Variants in KCNQ3 observed in about 807,000 individuals in gnomAD.
The protein encoded by KCNQ3 is potassium voltage-gated channel subfamily Q member 3, also known as potassium voltage-gated channel subfamily KQT member 3.
Under a neutral mutation model 92.5 loss-of-function variants are expected in KCNQ3, and 30 were observed. The ratio of observed to expected loss-of-function variants is 0.32; its 90% CI spans 0.24 to 0.44. The LOEUF is 0.44. Among genes scored for constraint, KCNQ3 ranks in the 20% least tolerant of loss-of-function variants. The probability of loss-of-function intolerance (pLI) is 1.00; values close to 1 mark genes in which losing one functional copy is unlikely to be tolerated. For missense variants in KCNQ3, 913 were observed against 1,140.3 expected, an observed-to-expected ratio of 0.80 and a Z score of 2.87; for synonymous variants, 450 against 468.8, an observed-to-expected ratio of 0.96 and a Z score of 0.52.
At position 132,121,738 on chromosome 8, in the gene KCNQ3, A is replaced by C. The variant is rs965832008; in HGVS notation, c.*7524T>G. The C allele has an allele frequency of 2.6e-5, 4 of 152,212 alleles. No individual in the cohort carries two copies. The highest frequency in any genetic ancestry group is 9.6e-5 in the African/African-American group (4 of 41,460). The allele number at this position is 152,212 out of a possible 1,614,324, so 9.4% of individuals were successfully genotyped here. A position where few individuals can be genotyped will look rare whatever the true frequency, so the allele number is the denominator to read the frequency against. The stretch of plus-strand genomic sequence containing the variant: ...TAAAGGTACAGTCTAGAGACAAAAG[A>C]CCAGAGTCAGCAGAGACGTGGAGAT... On this transcript the variant is annotated 3_prime_UTR_variant, in exon 15 of 15. Transcript: ENST00000388996.
chr8:132,140,171 C>T lies in KCNQ3; in HGVS notation c.1473G>A (p.Gly491=). ...TGTCTTCCGCCATGGGGTCACCTGTCCCGGCATCTGGGAGGGAGACACACA... is the reference window on the plus strand; with the variant it reads ...TGTCTTCCGCCATGGGGTCACCTGTTCCGGCATCTGGGAGGGAGACACACA... ...YAFWQSSEDA[G]TGDPMAEDRG... is the part of the protein sequence containing the mutation. Residue 491 remains glycine, a synonymous_variant, in exon 11 of 15, where the codon GGG becomes GGA. Transcript: ENST00000388996. The T allele has an allele frequency of 1.9e-6, 3 of 1,613,042 alleles. No homozygotes were observed. The highest frequency in any genetic ancestry group is 2.2e-5 in the East Asian group (1 of 44,864).
intron 1 of KCNQ3, among the ~76,000 whole-genome samples, chr8:132,281,829 G>A (rs909532330): frequency 6.6e-6 from 1 of 152,270 alleles, no homozygotes; most frequent in South Asian, 2.1e-4. Flanking sequence ...TGGAGCCCCA[G>A]GTCCTGTCAA....
At chr8:132,357,566 G>A (rs1278004996) in intron 1 of KCNQ3, among the ~76,000 whole-genome samples, 1 of 152,166 alleles carries the variant, frequency 6.6e-6, no homozygotes, top group African/African-American at 2.4e-5. Context: ...AGCTGCCCCA[G>A]CCAGTCCTAG....
chr8:132,426,455 T>C (rs753788397), intron 1 of KCNQ3, among the ~76,000 whole-genome samples: 10 of 152,230 alleles, frequency 6.6e-5, no homozygotes, highest in Non-Finnish European at 1.3e-4. Context: ...ACAGCCTGGT[T>C]TGCTCTCTGT....
At chr8:132,210,439 A>C (rs1289209778) in intron 1 of KCNQ3, among the ~76,000 whole-genome samples, 2 of 152,264 alleles carry the variant, frequency 1.3e-5, no homozygotes, top group African/African-American at 2.4e-5. Context: ...AGTAAGGAGC[A>C]GTAGGCAAGT....
chr8:132,133,864 T>A (rs1156958393), intron 13 of KCNQ3, among the ~76,000 whole-genome samples: 1 of 152,218 alleles, frequency 6.6e-6, no homozygotes, highest in African/African-American at 2.4e-5. Flanking sequence ...TACAATGTTG[T>A]CAGGGGGCTG....
intron 1 of KCNQ3, among the ~76,000 whole-genome samples, chr8:132,305,243 C>G (rs1817382791): frequency 6.6e-6 from 1 of 152,192 alleles, no homozygotes; most frequent in Non-Finnish European, 1.5e-5. Context: ...TCTTAAATAC[C>G]AGCTCATTCA....
intron 9 of KCNQ3, among the ~76,000 whole-genome samples, chr8:132,148,465 G>C (rs540671255): frequency 5.3e-5 from 8 of 152,294 alleles, no homozygotes; most frequent in Non-Finnish European, 8.8e-5. Context: ...TTTCTTTACA[G>C]CTTTCACACT....
chr8:132,441,592 AAC>A (rs1184864467), intron 1 of KCNQ3, among the ~76,000 whole-genome samples: 2 of 151,534 alleles, frequency 1.3e-5, no homozygotes, highest in African/African-American at 4.9e-5. Context: ...AAAACAAACA[AAC>A]AAACAAACAA....
rs138524189 is a variant in KCNQ3 at position 132,455,263 on chromosome 8, C to T, written c.386+24884G>A. Reference sequence around the variant, plus strand: ...ATGGGATTACAGGTGTGTGCCACCACGTCTGTCTAATATTTGTATACTTAG... The same window carrying T: ...ATGGGATTACAGGTGTGTGCCACCATGTCTGTCTAATATTTGTATACTTAG... On this transcript the variant is annotated intron_variant, in intron 1 of 14. Coordinates refer to ENST00000388996, the MANE Select transcript of KCNQ3 (RefSeq NM_004519.4). Among the ~76,000 whole-genome samples the T allele has an allele frequency of 8.5e-5, 13 of 152,188 alleles. No individual in the cohort carries two copies. The South Asian group carries it at 1.7e-3, about 19-fold the overall frequency.
Position 132,154,193 on chromosome 8 carries a change from GTTTTT to G in KCNQ3, c.1262+9270_1262+9274del, listed in dbSNP as rs869112851. 1.9e-3 allele frequency among the ~76,000 whole-genome samples: 51 copies of G among 27,490 alleles called. 3 individuals carry two copies. The highest frequency in any genetic ancestry group is 0.019 in the Middle Eastern group (1 of 52). The allele number at this position is 27,490 out of a possible 152,430, so 18.0% of individuals were successfully genotyped here. ...CTGATGTACCATCAAAAGGGTAAAA[GTTTTT>G]TTTTTTTTTTTTTTTTTTTTTTTTT... On this transcript the variant is annotated intron_variant, in intron 9 of 14. Transcript: ENST00000388996.
intron 12 of KCNQ3, among the ~76,000 whole-genome samples, chr8:132,137,399 GGGAGTATA>G (rs1453101073): frequency 1.3e-5 from 2 of 152,144 alleles, no homozygotes; most frequent in African/African-American, 4.8e-5. Flanking sequence ...GATTTCATAA[GGGAGTATA>G]AACACGCAGG....
At chr8:132,251,761 C>A (rs12056823) in intron 1 of KCNQ3, among the ~76,000 whole-genome samples, 66,780 of 152,128 alleles carry the variant, frequency 0.44, 17,037 homozygotes, top group East Asian at 0.72. Flanking sequence ...ACAGCTCAGT[C>A]AGAGAATGCT....
intron 1 of KCNQ3, among the ~76,000 whole-genome samples, chr8:132,196,154 T>C (rs928452651): frequency 2.0e-5 from 3 of 152,226 alleles, no homozygotes; most frequent in African/African-American, 4.8e-5. Flanking sequence ...TTCTCCATCA[T>C]ATGCTTTCTC....
At chr8:132,364,201 A>G (rs1819250820) in intron 1 of KCNQ3, among the ~76,000 whole-genome samples, 1 of 152,226 alleles carries the variant, frequency 6.6e-6, no homozygotes. Context: ...TAGAATACAA[A>G]TTAGGACACA....
At chr8:132,350,417 T>C (rs766758225) in intron 1 of KCNQ3, among the ~76,000 whole-genome samples, 3 of 151,912 alleles carry the variant, frequency 2.0e-5, no homozygotes, top group Non-Finnish European at 4.4e-5. Flanking sequence ...GACAGAAGGG[T>C]TTACAGGTAA....
chr8:132,146,509 A>G (rs1423764371), intron 9 of KCNQ3, among the ~76,000 whole-genome samples: 1 of 152,210 alleles, frequency 6.6e-6, no homozygotes, highest in Non-Finnish European at 1.5e-5. Flanking sequence ...GTTGTTTAAT[A>G]GAAATGAAGT....
chr8:132,234,184 A>G (rs2130382115), intron 1 of KCNQ3, among the ~76,000 whole-genome samples: 1 of 152,268 alleles, frequency 6.6e-6, no homozygotes, highest in South Asian at 2.1e-4. Context: ...CAGATAGGAA[A>G]TCACACAAAC....
At chr8:132,302,976 G>A (rs28607539) in intron 1 of KCNQ3, among the ~76,000 whole-genome samples, 1 of 152,130 alleles carries the variant, frequency 6.6e-6, no homozygotes, top group African/African-American at 2.4e-5. Flanking sequence ...TGGGGAGCAT[G>A]CTGGGAAATG....
Sources: gnomAD v4.1 joint callset for allele counts (sites outside exome capture counted in the v4.1 genomes callset) on GRCh38, gnomAD v4.1.1 for gene constraint, MANE v1.5 for transcripts, NCBI Gene and HGNC (gene_info 2026-07-23, HGNC 2026-07-21) for gene names.